DHX33: variants seen among roughly 807,000 people sequenced by gnomAD.
The protein encoded by DHX33 is ATP-dependent RNA helicase DHX33.
In DHX33, 42 loss-of-function variants were observed where a neutral mutation model predicts 72.5. The ratio of observed to expected loss-of-function variants is 0.58; its 90% CI spans 0.45 to 0.75. The LOEUF (loss-of-function observed/expected upper bound fraction) is 0.75, where lower values mean the gene tolerates loss of function less well. DHX33 is among the 30% of genes least tolerant of loss of function. DHX33 has a pLI of 0.00. For synonymous variants in DHX33, 358 were observed against 366.1 expected (o/e 0.98, Z 0.25); for missense variants, 842 against 917.5 (o/e 0.92, Z 1.06).
At chr17:5,450,778 A>T in intron 9 of DHX33, 29 bp downstream of exon 9, 1 of 1,613,998 alleles carries the variant, frequency 6.2e-7, no homozygotes, top group Non-Finnish European at 8.5e-7. Flanking sequence ...AATGTACAGA[A>T]AGAGGACTGA....
In DHX33 at chr17:5,444,512, A is replaced by T. The variant is rs1292980768; in HGVS notation, c.1817T>A (p.Met606Lys). 2.5e-6 allele frequency: 4 copies of T among 1,612,964 alleles called. No homozygotes were observed. The highest frequency in any genetic ancestry group is 3.4e-6 in the Non-Finnish European group (4 of 1,179,194). Residue 606 changes from methionine (M) to lysine (K), a missense_variant and splice_region_variant, in exon 12 of 12, where the codon ATG (methionine) becomes AAG (lysine). Transcript: ENST00000225296. This position sits in a 1 kb window ranked among gnomAD's most constrained non-coding sequence, Gnocchi z 4.9. ...TCGGGATGATGCGATTGGCATTGAC[A>T]TCTGTTTCGGGAGAAAGCGAGGAAT... ...RAQLRDICLK[M>K]SMPIASSRGD...
intron 1 of DHX33, among the ~76,000 whole-genome samples, 176 bp downstream of exon 1, chr17:5,468,395 C>T (rs965652987): frequency 1.6e-4 from 25 of 152,260 alleles, no homozygotes; most frequent in African/African-American, 5.5e-4. Flanking sequence ...TGTCCAGCGC[C>T]TCCAGGGCAG....
intron 8 of DHX33, among the ~76,000 whole-genome samples, chr17:5,452,551 A>C (rs868088878): frequency 9.9e-5 from 15 of 151,308 alleles, no homozygotes; most frequent in African/African-American, 3.6e-4. Context: ...AAACAAAAAC[A>C]AAAACAAAAA....
intron 11 of DHX33, among the ~76,000 whole-genome samples, chr17:5,446,707 C>G (rs1257868344): frequency 6.6e-6 from 1 of 152,134 alleles, no homozygotes; most frequent in Non-Finnish European, 1.5e-5. Flanking sequence ...ACTGAGTAGG[C>G]ATGTCTGTAA....
chr17:5,458,631 G>C (rs1904442268), intron 4 of DHX33, among the ~76,000 whole-genome samples: 3 of 152,174 alleles, frequency 2.0e-5, no homozygotes, highest in Non-Finnish European at 2.9e-5. Flanking sequence ...AGAGGTTGGA[G>C]ATAAAGGGGG....
intron 4 of DHX33, among the ~76,000 whole-genome samples, chr17:5,458,566 A>C (rs373502536): frequency 1.3e-5 from 2 of 152,146 alleles, no homozygotes; most frequent in African/African-American, 4.8e-5. Context: ...TGGGCAACAC[A>C]GCAAGATCCT....
intron 4 of DHX33, among the ~76,000 whole-genome samples, chr17:5,459,323 T>G (rs1186622995): frequency 1.3e-5 from 2 of 152,226 alleles, no homozygotes; most frequent in African/African-American, 4.8e-5. Flanking sequence ...ACTTAATGAT[T>G]CAAATTTTTG....
Position 5,468,788 on chromosome 17 carries a change from C to A in DHX33, c.72G>T (p.Gly24=), listed in dbSNP as rs967041041. 9 of 1,604,670 alleles carry A rather than the reference C, an allele frequency of 5.6e-6. No individual in the cohort carries two copies. The highest frequency in any genetic ancestry group is 7.7e-6 in the Non-Finnish European group (9 of 1,175,944). Residue 24 remains glycine, a synonymous_variant, in exon 1 of 12, where the codon GGG becomes GGT. Transcript: ENST00000225296. ...RPGSGPPSRA[G]SFPPGRQVVM... is the part of the protein sequence containing the mutation. ...CCACTTGCCTCCCGGGAGGGAAGGA[C>A]CCAGCGCGGCTCGGAGGTCCAGAGC...
chr17:5,444,355 G>A lies in DHX33; in HGVS notation c.1974C>T (p.Leu658=). The A allele has an allele frequency of 1.2e-6, 2 of 1,614,252 alleles. No homozygotes were observed. The highest frequency in any genetic ancestry group is 8.5e-7 in the Non-Finnish European group (1 of 1,180,046). The part of the protein sequence containing the change: ...QPVAIHPSSV[L]FHCKPACVVY... ...CGACGCAGGCCGGCTTGCAGTGGAA[G>A]AGGACAGACGACGGGTGGATGGCCA... is the stretch of plus-strand genomic sequence containing the variant. The change falls in exon 12 of 12, where the codon CTC becomes CTT. Residue 658 remains leucine (L), a synonymous_variant. Transcript: ENST00000225296. The surrounding 1 kb of genome is among the most constrained non-coding windows in gnomAD (Gnocchi z 4.9).
Position 5,447,015 on chromosome 17 carries a change from C to T in DHX33, c.1815+1794G>A, listed in dbSNP as rs144090418. On this transcript the variant is annotated intron_variant, in intron 11 of 11. Coordinates refer to ENST00000225296, the MANE Select transcript of DHX33 (RefSeq NM_020162.4). Reference sequence around the variant, plus strand: ...ACAGGCTGTGACTGTCTCCCAGCAGCGTCCGCACTGAGGGGGCACAAGACA... The same window carrying T: ...ACAGGCTGTGACTGTCTCCCAGCAGTGTCCGCACTGAGGGGGCACAAGACA... Among the ~76,000 whole-genome samples, 615 of 152,306 alleles carry T rather than the reference C, an allele frequency of 4.0e-3. 3 individuals carry two copies. The highest frequency in any genetic ancestry group is 0.014 in the African/African-American group (567 of 41,562).
intron 8 of DHX33, 39 bp downstream of exon 8, chr17:5,453,541 T>C: frequency 6.4e-7 from 1 of 1,552,888 alleles, no homozygotes. Flanking sequence ...GTTGTTTGTC[T>C]CCTCACCCAC....
chr17:5,450,303 T>G lies in DHX33; in HGVS notation c.1628A>C (p.Glu543Ala), dbSNP rs773737091. The change falls in exon 10 of 12, where the codon GAG (glutamate) becomes GCG (alanine). Residue 543 changes from glutamate (E) to alanine (A), a missense_variant. Transcript: ENST00000225296. Reference protein sequence around the residue: ...SVLHNPPSRREEVQGVRKKFI... With the variant: ...SVLHNPPSRRAEVQGVRKKFI... ...CTTCTTGCGGACCCCTTGCACTTCC[T>G]CTCGCCGGGAAGGAGGGTTGTGGAG... 1.1e-5 allele frequency: 17 copies of G among 1,614,048 alleles called. No individual in the cohort carries two copies. Among genetic ancestry groups the G allele is most frequent in the Admixed American group, 6.7e-5 (4 of 60,002 alleles).
At chr17:5,449,135 G>C (rs778783425) in intron 10 of DHX33, among the ~76,000 whole-genome samples, 8 of 152,110 alleles carry the variant, frequency 5.3e-5, no homozygotes, top group Admixed American at 2.0e-4. Context: ...GAACACAGTT[G>C]AATTCAGAGA....
chr17:5,455,245 G>A lies in DHX33; in HGVS notation c.1062C>T (p.Thr354=), dbSNP rs763219270. Residue 354 remains threonine (T), a synonymous_variant, in exon 6 of 12, where the codon ACC becomes ACT. Transcript: ENST00000225296. ...PKGYRKVIIS[T]NIAETSITIT... is the part of the protein sequence containing the mutation. Reference sequence around the variant, plus strand: ...TGGTTATGGAGGTTTCAGCGATGTTGGTTGAAATGATCACTTTGCGATAGC... The same window carrying A: ...TGGTTATGGAGGTTTCAGCGATGTTAGTTGAAATGATCACTTTGCGATAGC... The A allele has an allele frequency of 2.5e-6, 4 of 1,614,134 alleles. No homozygotes were observed. Among genetic ancestry groups the A allele is most frequent in the South Asian group, 2.2e-5 (2 of 91,078 alleles).
chr17:5,444,095 C>A lies in DHX33; in HGVS notation c.*110G>T. Reference sequence around the variant, plus strand: ...TTTCACGCTCCTGGAAGTCAGGCACCTTCAGCTGATTCCAAGGCTTCTCTA... The same window carrying A: ...TTTCACGCTCCTGGAAGTCAGGCACATTCAGCTGATTCCAAGGCTTCTCTA... On this transcript the variant is annotated 3_prime_UTR_variant, in exon 12 of 12. Coordinates refer to ENST00000225296, the MANE Select transcript of DHX33 (RefSeq NM_020162.4). This position sits in a 1 kb window ranked among gnomAD's most constrained non-coding sequence, Gnocchi z 4.9. 7.6e-7 allele frequency: 1 copy of A among 1,323,946 alleles called. No individual in the cohort carries two copies. Among genetic ancestry groups the A allele is most frequent in the Non-Finnish European group, 1.0e-6 (1 of 977,082 alleles). 82.0% of individuals were successfully genotyped at this position (1,323,946 alleles called of 1,614,324 possible).
chr17:5,463,438 AG>A, intron 2 of DHX33, 90 bp downstream of exon 2: 1 of 1,334,526 alleles, frequency 7.5e-7, no homozygotes, highest in Non-Finnish European at 1.0e-6. Context: ...ACTATGTAAA[AG>A]GAGTCTTGTT....
At chr17:5,453,435 G>T in intron 8 of DHX33, 145 bp downstream of exon 8, 1 of 673,552 alleles carries the variant, frequency 1.5e-6, no homozygotes. Flanking sequence ...ATGATTTTCA[G>T]ATGCTTCTCT....
Position 5,468,631 on chromosome 17 carries a change from A to G in DHX33, c.229T>C (p.Phe77Leu), listed in dbSNP as rs749227335. The part of the protein sequence containing the change: ...VELQRRSLPI[F>L]QARGQLLAQL... The stretch of plus-strand genomic sequence containing the variant: ...GCCAACAGTTGCCCCCGCGCTTGGA[A>G]GATGGGCAGACTCCGGCGCTGCAGC... The change falls in exon 1 of 12, where the codon TTC becomes CTC. Residue 77 changes from phenylalanine (F) to leucine (L), a missense_variant. Physicochemically the swap from Phe to Leu is conservative, Grantham distance 22. Coordinates refer to ENST00000225296, the MANE Select transcript of DHX33 (RefSeq NM_020162.4). 1 of 1,611,960 alleles carries G rather than the reference A, an allele frequency of 6.2e-7. No homozygotes were observed. Among genetic ancestry groups the G allele is most frequent in the Non-Finnish European group, 8.5e-7 (1 of 1,179,630 alleles).
chr17:5,460,923 GC>G lies in DHX33; in HGVS notation c.849+15del, dbSNP rs760411767. ...ATAAAAGAGAACTTTTCAGGAATTTGCCCCCAGCACCATACCTGGTGGATCT... is the reference window on the plus strand; with the variant it reads ...ATAAAAGAGAACTTTTCAGGAATTTGCCCCAGCACCATACCTGGTGGATCT... On this transcript the variant is annotated intron_variant, in intron 4 of 11. Transcript: ENST00000225296. 170 of 1,595,414 alleles carry G rather than the reference GC, an allele frequency of 1.1e-4. No individual in the cohort carries two copies. The East Asian group carries it at 2.7e-3, about 25-fold the overall frequency.
Sources: allele counts gnomAD v4.1 joint callset (sites outside exome capture counted in the v4.1 genomes callset), GRCh38; gene constraint gnomAD v4.1.1; non-coding constraint Gnocchi (gnomAD v3.1); transcripts MANE v1.5; gene names NCBI Gene and HGNC (gene_info 2026-07-23, HGNC 2026-07-21).